RBM25: variants seen among roughly 807,000 people sequenced by gnomAD.
RBM25 encodes RNA-binding protein 25.
A neutral mutation model predicts 120.7 loss-of-function variants in RBM25; 19 were observed. The ratio of observed to expected loss-of-function variants is 0.16; its 90% CI spans 0.11 to 0.23. The LOEUF (loss-of-function observed/expected upper bound fraction) is 0.23, where lower values mean the gene tolerates loss of function less well. Ranked by LOEUF, RBM25 falls within the 10% of genes least tolerant of loss-of-function variation. The pLI is 1.00. For missense variants in RBM25, 605 were observed against 1,041.5 expected, an observed-to-expected ratio of 0.58 and a Z score of 5.77; for synonymous variants, 390 against 326.7, an observed-to-expected ratio of 1.19 and a Z score of -2.09.
intron 6 of RBM25, among the ~76,000 whole-genome samples, chr14:73,092,198 T>A (rs1396493678): frequency 6.9e-6 from 1 of 145,398 alleles, no homozygotes; most frequent in Non-Finnish European, 1.5e-5. Flanking sequence ...ATTTTTTTTT[T>A]AAGGGTGGTG....
Position 73,120,100 on chromosome 14 carries a change from C to G in RBM25, c.*295C>G. 1 of 209,622 alleles carries G rather than the reference C, an allele frequency of 4.8e-6. No homozygotes were observed. Among genetic ancestry groups the G allele is most frequent in the East Asian group, 1.6e-4 (1 of 6,408 alleles). 13.0% of individuals were successfully genotyped at this position (209,622 alleles called of 1,614,324 possible). ...ATAATCTTGTTCTGCTGATTTGTTT[C>G]TTGTAAATATTAAAACGACTCCCCA... On this transcript the variant is annotated 3_prime_UTR_variant, in exon 19 of 19. Transcript: ENST00000261973.
chr14:73,117,996 T>C (rs1270085940), intron 18 of RBM25, among the ~76,000 whole-genome samples: 1 of 152,164 alleles, frequency 6.6e-6, no homozygotes, highest in African/African-American at 2.4e-5. Flanking sequence ...CTATAACTCA[T>C]AAGTAGAGAG....
chr14:73,101,908 A>G (rs904540944), intron 9 of RBM25: 4 of 152,210 alleles, frequency 2.6e-5, no homozygotes, highest in Non-Finnish European at 5.9e-5. Flanking sequence ...TCTTTCTATC[A>G]TATCTTATTT....
At chr14:73,075,013 A>G (rs1466608365) in intron 2 of RBM25, among the ~76,000 whole-genome samples, 1 of 151,068 alleles carries the variant, frequency 6.6e-6, no homozygotes, top group Non-Finnish European at 1.5e-5. Flanking sequence ...TTTTAAATAA[A>G]GAAATGGAGT....
intron 9 of RBM25, chr14:73,100,175 A>G: frequency 1.9e-6 from 1 of 526,654 alleles, no homozygotes; most frequent in Non-Finnish European, 3.4e-6. Flanking sequence ...GTATAGATTT[A>G]AGTTGAGTGG....
chr14:73,104,984 T>C (rs781509200), intron 10 of RBM25, among the ~76,000 whole-genome samples: 16 of 149,264 alleles, frequency 1.1e-4, no homozygotes, highest in African/African-American at 2.0e-4. Flanking sequence ...CCATCTCTTA[T>C]ATTTATGGCA....
chr14:73,112,095 A>G, intron 16 of RBM25, 57 bp from the exon 17 acceptor site: 2 of 1,447,662 alleles, frequency 1.4e-6, no homozygotes, highest in Middle Eastern at 1.7e-4. Context: ...TGAAGCTTTA[A>G]TAACTGTTAT....
Position 73,120,707 on chromosome 14 carries a change from CTGTT to C in RBM25, c.*904_*907del, listed in dbSNP as rs1896524874. The C allele has an allele frequency of 6.6e-6, 1 of 152,112 alleles. No homozygotes were observed. The highest frequency in any genetic ancestry group is 6.5e-5 in the Admixed American group (1 of 15,274). The allele number at this position is 152,112 out of a possible 1,614,324, so 9.4% of individuals were successfully genotyped here. A position where few individuals can be genotyped will look rare whatever the true frequency, so the allele number is the denominator to read the frequency against. ...GGTCCTTAGTTTAATTCTATTGTAT[CTGTT>C]TATTTAACAAAAAATTCATCATACC... On this transcript the variant is annotated 3_prime_UTR_variant, in exon 19 of 19. Transcript: ENST00000261973.
chr14:73,096,606 A>G (rs1218295426), intron 6 of RBM25, among the ~76,000 whole-genome samples: 2 of 152,196 alleles, frequency 1.3e-5, no homozygotes, highest in African/African-American at 4.8e-5. Context: ...TTGTGTACCT[A>G]TTGAGCAAAA....
chr14:73,059,034 C>A (rs1176255521), intron 1 of RBM25, among the ~76,000 whole-genome samples: 1 of 152,110 alleles, frequency 6.6e-6, no homozygotes, highest in Non-Finnish European at 1.5e-5. Context: ...ACGTTAGATA[C>A]AAAACGATCG....
intron 1 of RBM25, chr14:73,068,310 G>T: frequency 1.3e-6 from 1 of 786,620 alleles, no homozygotes; most frequent in Non-Finnish European, 2.2e-6. Flanking sequence ...GAGTACCAAA[G>T]GATTTCATGG....
At chr14:73,107,021 A>G (rs1271800630) in intron 12 of RBM25, among the ~76,000 whole-genome samples, 7 of 151,606 alleles carry the variant, frequency 4.6e-5, no homozygotes, top group Non-Finnish European at 7.4e-5. Flanking sequence ...TTGTATTTTT[A>G]GTAGAGACGG....
chr14:73,095,278 C>T (rs867645524), intron 6 of RBM25, among the ~76,000 whole-genome samples: 3 of 152,000 alleles, frequency 2.0e-5, no homozygotes, highest in Admixed American at 6.6e-5. Context: ...GATTTTATTC[C>T]GTCTAAGTGC....
intron 1 of RBM25, among the ~76,000 whole-genome samples, chr14:73,060,112 C>T (rs1389583536): frequency 1.3e-5 from 2 of 151,854 alleles, no homozygotes; most frequent in Non-Finnish European, 2.9e-5. Context: ...CGATCTTGGC[C>T]ACTGCAACCT....
chr14:73,096,372 A>G (rs1199377341), intron 6 of RBM25, among the ~76,000 whole-genome samples: 8 of 152,220 alleles, frequency 5.3e-5, no homozygotes, highest in African/African-American at 1.9e-4. Flanking sequence ...TTCCTGCATT[A>G]TAAGCACTCG....
chr14:73,114,226 C>A (rs942062483), intron 17 of RBM25, 60 bp from the exon 18 acceptor site: 11 of 1,248,912 alleles, frequency 8.8e-6, no homozygotes, highest in African/African-American at 6.2e-5. Context: ...CTTAAAATTT[C>A]TTGACTGTAT....
chr14:73,092,007 C>T (rs958864528), intron 6 of RBM25, among the ~76,000 whole-genome samples: 5 of 151,888 alleles, frequency 3.3e-5, no homozygotes, highest in Non-Finnish European at 7.4e-5. Context: ...TTCTGAGTGC[C>T]CTTTGGCTTC....
intron 5 of RBM25, among the ~76,000 whole-genome samples, chr14:73,086,851 T>C (rs1166233129): frequency 6.6e-6 from 1 of 152,050 alleles, no homozygotes; most frequent in Non-Finnish European, 1.5e-5. Flanking sequence ...ACTACAGGCA[T>C]GTGCCACCAC....
chr14:73,081,626 A>G (rs1895566294), intron 4 of RBM25, among the ~76,000 whole-genome samples: 1 of 152,186 alleles, frequency 6.6e-6, no homozygotes, highest in African/African-American at 2.4e-5. Context: ...TCCTCTGTAT[A>G]TGATGTACAT....
Sources: gnomAD v4.1 joint callset for allele counts (sites outside exome capture counted in the v4.1 genomes callset) on GRCh38, gnomAD v4.1.1 for gene constraint, MANE v1.5 for transcripts, NCBI Gene and HGNC (gene_info 2026-07-23, HGNC 2026-07-21) for gene names.